Variants in HELLS observed in about 807,000 individuals in gnomAD.
HELLS encodes lymphoid-specific helicase.
Under a neutral mutation model 120.0 loss-of-function variants are expected in HELLS, and 32 were observed. That is an observed-to-expected ratio of 0.27 (90% CI 0.20 to 0.36). The LOEUF is 0.36. Among genes scored for constraint, HELLS ranks in the 10% least tolerant of loss-of-function variants. HELLS has a pLI of 1.00. For missense variants in HELLS, 650 were observed against 993.4 expected, an observed-to-expected ratio of 0.65 and a Z score of 4.65; for synonymous variants, 341 against 323.4, an observed-to-expected ratio of 1.05 and a Z score of -0.58.
At chr10:94,609,956 A>T (rs1388404731) in exon 10 of HELLS, 1 of 152,220 alleles carries the variant, frequency 6.6e-6, no homozygotes, top group East Asian at 1.9e-4. Context: ...AGGTCTGAGC[A>T]GACCTGAAGA....
downstream of HELLS, among the ~76,000 whole-genome samples, chr10:94,603,195 T>G (rs754256997): frequency 6.6e-5 from 10 of 152,222 alleles, no homozygotes; most frequent in Non-Finnish European, 1.3e-4. Flanking sequence ...GAAAAAGAGT[T>G]CTATTATAGC....
intron 12 of HELLS, chr10:94,584,268 T>TA (rs1309763822): frequency 5.1e-6 from 2 of 392,298 alleles, no homozygotes; most frequent in Non-Finnish European, 9.0e-6. Flanking sequence ...ATAATAACTA[T>TA]ATGTTAAAAA....
intron 6 of HELLS, among the ~76,000 whole-genome samples, chr10:94,568,158 T>G (rs1247759277): frequency 3.3e-5 from 5 of 151,788 alleles, no homozygotes; most frequent in African/African-American, 1.2e-4. Flanking sequence ...TCCATCTGCC[T>G]TGGCCTCCCA....
At chr10:94,609,721 A>G (rs1371304424) in intron 9 of HELLS, 3 of 152,230 alleles carry the variant, frequency 2.0e-5, no homozygotes, top group Non-Finnish European at 4.4e-5. Context: ...GATGTCTCAC[A>G]TGAGTAGTTA....
At chr10:94,557,089 C>CTGAT (rs1191245260) in intron 3 of HELLS, 1 of 247,454 alleles carries the variant, frequency 4.0e-6, no homozygotes, top group East Asian at 1.3e-4. Flanking sequence ...GCTAACACAC[C>CTGAT]TGATTCTCTT....
At chr10:94,595,723 C>G (rs1436481991) in intron 19 of HELLS, among the ~76,000 whole-genome samples, 2 of 152,120 alleles carry the variant, frequency 1.3e-5, no homozygotes, top group African/African-American at 4.8e-5. Context: ...ATCCATTCAC[C>G]ATAAAATTTT....
intron 7 of HELLS, among the ~76,000 whole-genome samples, chr10:94,573,440 T>G (rs556608663): frequency 3.7e-4 from 56 of 151,826 alleles, no homozygotes; most frequent in Non-Finnish European, 2.8e-4. Flanking sequence ...GTAAGGGTTA[T>G]TCTCAGATTT....
At chr10:94,568,974 T>G (rs1843984849) in intron 6 of HELLS, among the ~76,000 whole-genome samples, 1 of 151,840 alleles carries the variant, frequency 6.6e-6, no homozygotes, top group African/African-American at 2.4e-5. Flanking sequence ...CCCGAGTAGC[T>G]GGGATTACAG....
intron 12 of HELLS, among the ~76,000 whole-genome samples, chr10:94,588,017 T>C (rs1200218224): frequency 6.6e-6 from 1 of 152,234 alleles, no homozygotes; most frequent in Non-Finnish European, 1.5e-5. Context: ...TTACAGTTTT[T>C]AAAAGAAAAT....
intron 4 of HELLS, among the ~76,000 whole-genome samples, chr10:94,558,852 C>T (rs977443259): frequency 1.3e-5 from 2 of 152,158 alleles, no homozygotes; most frequent in Non-Finnish European, 2.9e-5. Flanking sequence ...CTGCCCACCT[C>T]GGCCTCCCAA....
chr10:94,554,096 C>G, intron 2 of HELLS, 30 bp from the exon 3 acceptor site: 1 of 1,525,230 alleles, frequency 6.6e-7, no homozygotes, highest in Non-Finnish European at 8.7e-7. Flanking sequence ...AGAAAGTGTT[C>G]ATAATTATGG....
In HELLS at chr10:94,599,239, T is replaced by C. The variant is rs371742235; in HGVS notation, c.2422+2128T>C. 1.2e-4 allele frequency among the ~76,000 whole-genome samples: 18 copies of C among 152,340 alleles called. 2 individuals are homozygous for C. Among genetic ancestry groups the C allele is most frequent in the Admixed American group, 2.6e-4 (4 of 15,304 alleles). ...TTAAAAAACAACATTATGTGAGGCATGTAAGGACTGTTTAACATCTGATAA... is the reference window on the plus strand; with the variant it reads ...TTAAAAAACAACATTATGTGAGGCACGTAAGGACTGTTTAACATCTGATAA... On this transcript the variant is annotated intron_variant, in intron 21 of 21. Coordinates refer to ENST00000348459, the MANE Select transcript of HELLS (RefSeq NM_018063.5).
chr10:94,585,428 T>C (rs1845091448), intron 12 of HELLS, among the ~76,000 whole-genome samples: 1 of 145,246 alleles, frequency 6.9e-6, no homozygotes, highest in African/African-American at 2.5e-5. Flanking sequence ...TGAGACAGAG[T>C]CTCACTCTGT....
intron 18 of HELLS, 135 bp from the exon 19 acceptor site, chr10:94,594,560 C>T: frequency 1.8e-6 from 1 of 551,840 alleles, no homozygotes. Context: ...TCTATGAAGC[C>T]ACTCTGGAAG....
chr10:94,589,680 CTTTT>C (rs67491329), intron 13 of HELLS, among the ~76,000 whole-genome samples: 17,794 of 91,002 alleles, frequency 0.2, 653 homozygotes, highest in South Asian at 0.31. Flanking sequence ...CTCCCCCCGA[CTTTT>C]TTTTTTTTTT....
chr10:94,604,296 C>A (rs1294649818), downstream of HELLS, among the ~76,000 whole-genome samples: 6 of 151,654 alleles, frequency 4.0e-5, no homozygotes, highest in African/African-American at 1.5e-4. Context: ...GGCTAATTTT[C>A]TTATTTTTAG....
At chr10:94,574,498 T>C (rs1366237184) in intron 8 of HELLS, 56 bp from the exon 9 acceptor site, 2 of 1,268,702 alleles carry the variant, frequency 1.6e-6, no homozygotes, top group Non-Finnish European at 2.3e-6. Flanking sequence ...TAAAATATTG[T>C]AATCCTGTAG....
intron 2 of HELLS, among the ~76,000 whole-genome samples, chr10:94,547,754 G>T (rs978249044): frequency 6.6e-6 from 1 of 152,144 alleles, no homozygotes; most frequent in Admixed American, 6.5e-5. Flanking sequence ...GCACATAGAG[G>T]TTGTTTGGGT....
At chr10:94,565,121 G>T (rs2134025826) in intron 6 of HELLS, among the ~76,000 whole-genome samples, 1 of 152,328 alleles carries the variant, frequency 6.6e-6, no homozygotes, top group East Asian at 1.9e-4. Flanking sequence ...TGGATCCCGT[G>T]AGGCCAGGAG....
Sources: gnomAD v4.1 joint callset for allele counts (sites outside exome capture counted in the v4.1 genomes callset) on GRCh38, gnomAD v4.1.1 for gene constraint, MANE v1.5 for transcripts, NCBI Gene and HGNC (gene_info 2026-07-23, HGNC 2026-07-21) for gene names.